Variants in CCZ1B observed in about 807,000 individuals in gnomAD.
CCZ1B encodes the protein vacuolar fusion protein CCZ1 homolog B.
Under a neutral mutation model 58.8 loss-of-function variants are expected in CCZ1B, and 25 were observed. That is an observed-to-expected ratio of 0.43 (90% CI 0.31 to 0.59). CCZ1B has a LOEUF of 0.59. Among genes scored for constraint, CCZ1B ranks in the 20% least tolerant of loss-of-function variants. CCZ1B has a pLI of 0.12. For missense variants in CCZ1B, 180 were observed against 501.5 expected (o/e 0.36, Z 6.12); for synonymous variants, 66 against 173.2 (o/e 0.38, Z 4.86).
intron 7 of CCZ1B, among the ~76,000 whole-genome samples, chr7:6,816,591 T>G (rs1400890824): frequency 6.6e-6 from 1 of 150,972 alleles, no homozygotes; most frequent in African/African-American, 2.5e-5. Context: ...CAGAGCCTCA[T>G]TATATTGTCC....
intron 10 of CCZ1B, among the ~76,000 whole-genome samples, chr7:6,808,383 C>A (rs1320013441): frequency 1.8e-5 from 2 of 108,574 alleles, no homozygotes; most frequent in South Asian, 4.3e-4. Context: ...AACCAAAAAA[C>A]CAAAAAAAAA....
intron 1 of CCZ1B, among the ~76,000 whole-genome samples, chr7:6,825,665 C>CA (rs1423276149): frequency 1.6e-4 from 18 of 111,552 alleles, no homozygotes; most frequent in South Asian, 4.4e-4. Flanking sequence ...ACACACACAC[C>CA]CCTCCCGAAA....
chr7:6,820,199 G>A (rs1319018214), intron 6 of CCZ1B, among the ~76,000 whole-genome samples: 1 of 149,120 alleles, frequency 6.7e-6, no homozygotes, highest in Non-Finnish European at 1.5e-5. Flanking sequence ...ATTTTTTTGT[G>A]ACAGAGTCTT....
intron 6 of CCZ1B, among the ~76,000 whole-genome samples, chr7:6,821,610 A>G (rs62442265): frequency 0.29 from 36,811 of 126,548 alleles, 3,130 homozygotes; most frequent in South Asian, 0.49. Flanking sequence ...AAACTAGGCT[A>G]GGCGAGTTGG....
At chr7:6,819,685 A>G in intron 7 of CCZ1B, 81 bp downstream of exon 7, 1 of 786,248 alleles carries the variant, frequency 1.3e-6, no homozygotes. Context: ...TTCCTGTTTG[A>G]CAACCTGTCA....
intron 6 of CCZ1B, 82 bp from the exon 7 acceptor site, chr7:6,820,023 T>A: frequency 7.9e-7 from 1 of 1,260,284 alleles, no homozygotes; most frequent in Non-Finnish European, 1.1e-6. Flanking sequence ...TAATCTTATG[T>A]CAGACTCACA....
rs1408305503 is a variant in CCZ1B, at chr7:6,812,995, T to A, written c.823A>T (p.Asn275Tyr). The A allele has an allele frequency of 6.3e-7, 1 of 1,583,028 alleles. No homozygotes were observed. The highest frequency in any genetic ancestry group is 8.6e-7 in the Non-Finnish European group (1 of 1,160,902). ...TCCTACCTTCCATAGTGTTGAAGATTTCCTGGCATTTCTGCTCTTATTGGA... is the reference window on the plus strand; with the variant it reads ...TCCTACCTTCCATAGTGTTGAAGATATCCTGGCATTTCTGCTCTTATTGGA... ...DSPIRAEMPGNLQHYGRFLTG... is the reference protein window; with the variant it reads ...DSPIRAEMPGYLQHYGRFLTG... Residue 275 changes from asparagine (N) to tyrosine (Y), a missense_variant, in exon 9 of 15, where the codon AAT (asparagine) becomes TAT (tyrosine). Physicochemically the swap from Asn to Tyr is moderately radical, Grantham distance 143 (BLOSUM62 -2). Coordinates refer to ENST00000316731, the MANE Select transcript of CCZ1B (RefSeq NM_198097.5).
intron 1 of CCZ1B, among the ~76,000 whole-genome samples, chr7:6,825,665 C>CACACACACACA (rs1423276149): frequency 4.5e-5 from 5 of 111,558 alleles, no homozygotes; most frequent in Middle Eastern, 4.3e-3. Flanking sequence ...ACACACACAC[C>CACACACACACA]CCTCCCGAAA....
At chr7:6,802,156 G>A (rs1410590622) in intron 12 of CCZ1B, among the ~76,000 whole-genome samples, 2 of 99,502 alleles carry the variant, frequency 2.0e-5, no homozygotes, top group African/African-American at 3.8e-5. Flanking sequence ...ACTATGTAAC[G>A]AAGCTTTCCC....
intron 5 of CCZ1B, among the ~76,000 whole-genome samples, chr7:6,822,899 T>C (rs1268220465): frequency 6.8e-6 from 1 of 146,256 alleles, no homozygotes; most frequent in Non-Finnish European, 1.5e-5. Flanking sequence ...AGAGATGGGG[T>C]CTTGCTATAT....
rs191836531 is a variant in CCZ1B at position 6,814,325 on chromosome 7, A to T, written c.780+439T>A. On this transcript the variant is annotated intron_variant, in intron 8 of 14. Coordinates refer to ENST00000316731, the MANE Select transcript of CCZ1B (RefSeq NM_198097.5). Reference sequence around the variant, plus strand: ...GCCAAGGTGGGCAGATCACAAGGTCAGGAGTTCGAGACCAGCCTGGCCAAC... The same window carrying T: ...GCCAAGGTGGGCAGATCACAAGGTCTGGAGTTCGAGACCAGCCTGGCCAAC... Among the ~76,000 whole-genome samples the T allele has an allele frequency of 1.0e-4, 15 of 149,296 alleles. 1 individual carries two copies. The highest frequency in any genetic ancestry group is 3.6e-4 in the African/African-American group (14 of 39,322).
At chr7:6,825,305 A>G (rs1295573541) in intron 1 of CCZ1B, among the ~76,000 whole-genome samples, 1 of 146,096 alleles carries the variant, frequency 6.8e-6, no homozygotes, top group African/African-American at 2.7e-5. Context: ...TGGCGCTATT[A>G]CAGCTCACCT....
At position 6,808,378 on chromosome 7, in the gene CCZ1B, A is replaced by G. The variant is rs1215045655; in HGVS notation, c.955-2341T>C. Among the ~76,000 whole-genome samples, 381 of 114,320 alleles carry G rather than the reference A, an allele frequency of 3.3e-3. 10 individuals are homozygous for G. Among genetic ancestry groups the G allele is most frequent in the African/African-American group, 0.011 (365 of 32,362 alleles). The allele number at this position is 114,320 out of a possible 152,430, so 75.0% of individuals were successfully genotyped here. ...GAGTGGGACTCCATCTCAAAAACCA[A>G]AAAACCAAAAAAAAAAAAAACAAAA... On this transcript the variant is annotated intron_variant, in intron 10 of 14. Coordinates refer to ENST00000316731, the MANE Select transcript of CCZ1B (RefSeq NM_198097.5).
intron 6 of CCZ1B, among the ~76,000 whole-genome samples, chr7:6,820,389 A>G (rs1317201425): frequency 1.3e-5 from 2 of 149,100 alleles, no homozygotes; most frequent in African/African-American, 5.1e-5. Context: ...CATGTTAGCC[A>G]GGATGGTCTC....
At position 6,809,739 on chromosome 7, in the gene CCZ1B, T is replaced by C. The variant is rs541352682; in HGVS notation, c.954+2213A>G. On this transcript the variant is annotated intron_variant, in intron 10 of 14. Coordinates refer to ENST00000316731, the MANE Select transcript of CCZ1B (RefSeq NM_198097.5). ...ACTCTCAAGCACACCATGTGATGAA[T>C]GAAACATCTTTTTATCTTGGCGGCT... 9.4e-5 allele frequency among the ~76,000 whole-genome samples: 13 copies of C among 138,030 alleles called. No homozygotes were observed. The East Asian group carries it at 1.8e-3, about 20-fold the overall frequency. 90.6% of individuals were successfully genotyped at this position (138,030 alleles called of 152,430 possible). A position where few individuals can be genotyped will look rare whatever the true frequency, so the allele number is the denominator to read the frequency against.
chr7:6,813,138 GTCTTTT>G, intron 8 of CCZ1B, 101 bp from the exon 9 acceptor site: 1 of 1,259,382 alleles, frequency 7.9e-7, no homozygotes, highest in African/African-American at 1.6e-5. Context: ...CATGCCATTT[GTCTTTT>G]TCTTTTAGAG....
At chr7:6,818,484 A>G (rs1157614534) in intron 7 of CCZ1B, among the ~76,000 whole-genome samples, 1 of 148,526 alleles carries the variant, frequency 6.7e-6, no homozygotes, top group Non-Finnish European at 1.5e-5. Flanking sequence ...AGGAAGGGGA[A>G]GTTGCAGTGA....
chr7:6,818,888 C>T (rs1208626170), intron 7 of CCZ1B, among the ~76,000 whole-genome samples: 1 of 148,416 alleles, frequency 6.7e-6, no homozygotes, highest in Middle Eastern at 3.2e-3. Flanking sequence ...CAGTCTTGTG[C>T]CCACGTTGTT....
rs527670128 is a variant in CCZ1B at position 6,812,337 on chromosome 7, A to G, written c.843-274T>C. On this transcript the variant is annotated intron_variant, in intron 9 of 14. Transcript: ENST00000316731. ...AACCTCATCTCTACTAAAACTACAA[A>G]AATTAGCTGGTTCTGGTGGTGGGCA... The G allele has an allele frequency of 4.5e-4, 179 of 398,826 alleles. 1 individual carries two copies. The East Asian group carries it at 8.0e-3, about 18-fold the overall frequency. 24.7% of individuals were successfully genotyped at this position (398,826 alleles called of 1,614,324 possible).
Sources: allele counts gnomAD v4.1 joint callset (sites outside exome capture counted in the v4.1 genomes callset), GRCh38; gene constraint gnomAD v4.1.1; transcripts MANE v1.5; gene names NCBI Gene and HGNC (gene_info 2026-07-23, HGNC 2026-07-21).